Variants in LRRC7 observed in about 807,000 individuals in gnomAD.
LRRC7 encodes leucine rich repeat containing 7.
Under a neutral mutation model 175.7 loss-of-function variants are expected in LRRC7, and 23 were observed. The ratio of observed to expected loss-of-function variants is 0.13; its 90% CI spans 0.09 to 0.19. The LOEUF is 0.19. Ranked by LOEUF, LRRC7 falls within the 10% of genes least tolerant of loss-of-function variation. LRRC7 has a pLI of 1.00. For missense variants in LRRC7, 1,354 were observed against 1,904.7 expected, an observed-to-expected ratio of 0.71 and a Z score of 5.38; for synonymous variants, 685 against 680.9, an observed-to-expected ratio of 1.01 and a Z score of -0.09.
chr1:69,576,984 G>T (rs779675261), intron 1 of LRRC7, among the ~76,000 whole-genome samples: 4 of 152,038 alleles, frequency 2.6e-5, no homozygotes, highest in African/African-American at 4.8e-5. Flanking sequence ...ATTTACACAC[G>T]TAATATAAGG....
chr1:70,017,032 C>T (rs1657023329), intron 14 of LRRC7, among the ~76,000 whole-genome samples: 1 of 152,084 alleles, frequency 6.6e-6, no homozygotes, highest in South Asian at 2.1e-4. Context: ...AATCCCAACA[C>T]TTTGGGAGGC....
chr1:70,088,656 T>C (rs17131191), intron 24 of LRRC7, among the ~76,000 whole-genome samples: 23,321 of 152,100 alleles, frequency 0.15, 2,856 homozygotes, highest in African/African-American at 0.33. Context: ...TTTCAATTAT[T>C]TGGGATCACC....
chr1:69,900,657 T>C (rs952107625), intron 7 of LRRC7, among the ~76,000 whole-genome samples: 4 of 152,210 alleles, frequency 2.6e-5, no homozygotes, highest in Non-Finnish European at 4.4e-5. Context: ...ATCACTAATA[T>C]GAAAATTCAA....
chr1:69,933,531 C>A (rs943436797), intron 8 of LRRC7, among the ~76,000 whole-genome samples: 2 of 152,024 alleles, frequency 1.3e-5, no homozygotes, highest in Non-Finnish European at 2.9e-5. Context: ...ATGGAGGGTA[C>A]CTTTGGGTCT....
intron 2 of LRRC7, among the ~76,000 whole-genome samples, chr1:69,679,911 A>ATT (rs1389605603): frequency 6.6e-6 from 1 of 152,062 alleles, no homozygotes; most frequent in Non-Finnish European, 1.5e-5. Flanking sequence ...CTTTTTTGTA[A>ATT]GTACAATTGT....
rs950555263 is a variant in LRRC7, at chr1:70,143,753, T to A, written c.*21866T>A. 22 of 152,104 alleles carry A rather than the reference T, an allele frequency of 1.4e-4. No homozygotes were observed. Among genetic ancestry groups the A allele is most frequent in the African/African-American group, 5.3e-4 (22 of 41,430 alleles). 9.4% of individuals were successfully genotyped at this position (152,104 alleles called of 1,614,324 possible). A position where few individuals can be genotyped will look rare whatever the true frequency, so the allele number is the denominator to read the frequency against. On this transcript the variant is annotated 3_prime_UTR_variant, in exon 27 of 27. Transcript: ENST00000651989. ...CAATTTTACCATTTTATAAAAAAAATCAAATCACAACATGTTTAACTGAAA... is the reference window on the plus strand; with the variant it reads ...CAATTTTACCATTTTATAAAAAAAAACAAATCACAACATGTTTAACTGAAA...
chr1:69,957,346 T>C (rs1650602753), intron 8 of LRRC7, among the ~76,000 whole-genome samples: 1 of 151,826 alleles, frequency 6.6e-6, no homozygotes, highest in Non-Finnish European at 1.5e-5. Flanking sequence ...TATAGATTCT[T>C]ACTTCCATTG....
intron 11 of LRRC7, among the ~76,000 whole-genome samples, chr1:70,004,256 C>T (rs1372388116): frequency 1.3e-5 from 2 of 152,030 alleles, no homozygotes; most frequent in Admixed American, 1.3e-4. Context: ...ACTTGGAAAA[C>T]AGTATAGAAA....
chr1:69,621,279 C>T (rs1279193244), intron 1 of LRRC7, among the ~76,000 whole-genome samples: 1 of 152,118 alleles, frequency 6.6e-6, no homozygotes. Flanking sequence ...CTCCCAACCT[C>T]AGGTGATCCA....
chr1:69,754,884 T>G (rs1304217693), intron 2 of LRRC7, among the ~76,000 whole-genome samples: 1 of 151,818 alleles, frequency 6.6e-6, no homozygotes, highest in Non-Finnish European at 1.5e-5. Flanking sequence ...ATTTAACTTA[T>G]GAAAAATGAA....
chr1:69,922,585 T>C (rs1646924168), intron 7 of LRRC7, among the ~76,000 whole-genome samples: 3 of 152,258 alleles, frequency 2.0e-5, no homozygotes, highest in Non-Finnish European at 4.4e-5. Flanking sequence ...ATTTTTGTTA[T>C]GGAATAAATA....
At chr1:70,082,340 C>T (rs1663265757) in intron 24 of LRRC7, among the ~76,000 whole-genome samples, 1 of 152,134 alleles carries the variant, frequency 6.6e-6, no homozygotes, top group Non-Finnish European at 1.5e-5. Context: ...TCAGGGACAT[C>T]CTGTGCCTTA....
At position 69,916,770 on chromosome 1, in the gene LRRC7, T is replaced by C. The variant is rs1396287203; in HGVS notation, c.648-14737T>C. On this transcript the variant is annotated intron_variant, in intron 7 of 26. Coordinates refer to ENST00000651989, the MANE Select transcript of LRRC7 (RefSeq NM_001370785.2). ...GAAGCTATTTATGTTGTGAATAACA[T>C]TGGCAAGTTACTTGCGCTCACGGAC... Among the ~76,000 whole-genome samples, 13 of 152,242 alleles carry C rather than the reference T, an allele frequency of 8.5e-5. 1 individual carries two copies. In the East Asian group the frequency reaches 2.3e-3, roughly 27 times the overall value.
intron 2 of LRRC7, among the ~76,000 whole-genome samples, chr1:69,737,389 C>G (rs1668238374): frequency 1.3e-5 from 2 of 152,122 alleles, no homozygotes; most frequent in Non-Finnish European, 2.9e-5. Flanking sequence ...TCTAATGATC[C>G]CTTGCCTTCC....
At chr1:70,004,844 T>C (rs1655860223) in intron 11 of LRRC7, among the ~76,000 whole-genome samples, 1 of 152,046 alleles carries the variant, frequency 6.6e-6, no homozygotes, top group South Asian at 2.1e-4. Flanking sequence ...CTCTACTAAA[T>C]CTTTGTTAAT....
chr1:70,013,926 A>C (rs1333670574), intron 13 of LRRC7: 1 of 152,072 alleles, frequency 6.6e-6, no homozygotes, highest in African/African-American at 2.4e-5. Context: ...CAGGATAAGC[A>C]TTGGAATTCT....
intron 1 of LRRC7, among the ~76,000 whole-genome samples, chr1:69,591,918 C>A (rs2100960543): frequency 1.3e-5 from 2 of 152,118 alleles, no homozygotes; most frequent in Middle Eastern, 6.8e-3. Flanking sequence ...TTTATTTCCT[C>A]TTTTTTAATT....
At chr1:69,882,043 C>T (rs1175560483) in intron 7 of LRRC7, among the ~76,000 whole-genome samples, 1 of 146,324 alleles carries the variant, frequency 6.8e-6, no homozygotes, top group Non-Finnish European at 1.5e-5. Context: ...AAAAATAACC[C>T]AGTTTACAAA....
chr1:69,597,915 A>G (rs1646907004), intron 1 of LRRC7, among the ~76,000 whole-genome samples: 1 of 152,202 alleles, frequency 6.6e-6, no homozygotes, highest in South Asian at 2.1e-4. Context: ...AATCATAGTA[A>G]TAGAAAATAG....
Sources: gnomAD v4.1 joint callset for allele counts (sites outside exome capture counted in the v4.1 genomes callset) on GRCh38, gnomAD v4.1.1 for gene constraint, MANE v1.5 for transcripts, NCBI Gene and HGNC (gene_info 2026-07-23, HGNC 2026-07-21) for gene names.